Variants in RALYL observed in about 807,000 individuals in gnomAD.
RALYL encodes the protein RNA-binding Raly-like protein.
A neutral mutation model predicts 35.1 loss-of-function variants in RALYL; 29 were observed. That is an observed-to-expected ratio of 0.83 (90% CI 0.61 to 1.13). RALYL has a LOEUF of 1.13. Ranked by LOEUF, RALYL falls within the 50% of genes most tolerant of loss-of-function variation. The pLI, the probability that RALYL is intolerant of heterozygous loss-of-function variation, is 0.00. For synonymous variants in RALYL, 120 were observed against 127.6 expected (o/e 0.94, Z 0.40); for missense variants, 359 against 360.4 (o/e 1.00, Z 0.03).
chr8:84,191,182 T>TTGTGTGTG (rs36011671), intron 1 of RALYL, among the ~76,000 whole-genome samples: 6 of 145,704 alleles, frequency 4.1e-5, no homozygotes, highest in African/African-American at 1.0e-4. Flanking sequence ...GTGTGTGTGA[T>TTGTGTGTG]TGTGTGTGTG....
chr8:84,350,835 T>C (rs1003498983), intron 1 of RALYL, among the ~76,000 whole-genome samples: 2 of 150,168 alleles, frequency 1.3e-5, no homozygotes, highest in African/African-American at 5.0e-5. Context: ...GAGAAATCAA[T>C]AGAAGAGTTG....
intron 8 of RALYL, among the ~76,000 whole-genome samples, chr8:84,908,794 G>T (rs190316492): frequency 1.8e-3 from 269 of 151,702 alleles, no homozygotes; most frequent in Middle Eastern, 0.01. Context: ...CAATCCTGCT[G>T]ATCTGCATTT....
At chr8:84,830,007 G>T (rs1830537249) in intron 4 of RALYL, among the ~76,000 whole-genome samples, 1 of 48,216 alleles carries the variant, frequency 2.1e-5, no homozygotes, top group Non-Finnish European at 4.2e-5. Context: ...CAGCATTTCA[G>T]CACTATACTG....
chr8:84,682,289 G>A (rs1230566191), intron 2 of RALYL, among the ~76,000 whole-genome samples: 3 of 152,090 alleles, frequency 2.0e-5, no homozygotes, highest in African/African-American at 7.2e-5. Context: ...AGGGTTATTG[G>A]TCTAAAATTC....
Position 84,486,819 on chromosome 8 carries a change from G to A in RALYL, c.-23-42480G>A, listed in dbSNP as rs145259192. ...GAGTTTTTAAATGTATTTTGTTGTG[G>A]TTAAAAACACTTAACATAAGGTCTA... On this transcript the variant is annotated intron_variant, in intron 1 of 8. Coordinates refer to ENST00000521268, the MANE Select transcript of RALYL (RefSeq NM_173848.7). Among the ~76,000 whole-genome samples, 808 of 152,022 alleles carry A rather than the reference G, an allele frequency of 5.3e-3. 7 individuals are homozygous for A. The highest frequency in any genetic ancestry group is 0.019 in the African/African-American group (779 of 41,496).
chr8:84,755,566 T>C (rs1429328637), intron 2 of RALYL, among the ~76,000 whole-genome samples: 1 of 152,168 alleles, frequency 6.6e-6, no homozygotes, highest in Non-Finnish European at 1.5e-5. Context: ...CAAATTGTTG[T>C]TTTTACAGAA....
At chr8:84,550,659 A>G (rs1211663622) in intron 2 of RALYL, among the ~76,000 whole-genome samples, 1 of 151,702 alleles carries the variant, frequency 6.6e-6, no homozygotes, top group African/African-American at 2.4e-5. Flanking sequence ...ATTATAACAG[A>G]AATATGTTTG....
intron 2 of RALYL, among the ~76,000 whole-genome samples, chr8:84,658,253 T>A (rs1830301439): frequency 6.6e-6 from 1 of 152,190 alleles, no homozygotes; most frequent in Admixed American, 6.6e-5. Context: ...TTGGCCAGTC[T>A]ATTCAACATA....
chr8:84,532,418 A>G (rs1436269839), intron 2 of RALYL, among the ~76,000 whole-genome samples: 1 of 152,044 alleles, frequency 6.6e-6, no homozygotes. Context: ...AGGTTCAAGT[A>G]TATTAATCAC....
At chr8:84,582,770 A>G (rs905724134) in intron 2 of RALYL, among the ~76,000 whole-genome samples, 3 of 152,196 alleles carry the variant, frequency 2.0e-5, no homozygotes, top group African/African-American at 7.2e-5. Flanking sequence ...AGACCCCTTC[A>G]GGATGATTTG....
intron 1 of RALYL, among the ~76,000 whole-genome samples, chr8:84,261,291 C>CTCG (rs1554593190): frequency 1.6e-4 from 24 of 151,854 alleles, no homozygotes; most frequent in African/African-American, 5.3e-4. Flanking sequence ...CCACAAAAAT[C>CTCG]TCATCTTTAA....
At chr8:84,570,596 G>T (rs1807715224) in intron 2 of RALYL, among the ~76,000 whole-genome samples, 1 of 151,806 alleles carries the variant, frequency 6.6e-6, no homozygotes. Context: ...GATCTCTCTG[G>T]CTAGAACTTC....
intron 1 of RALYL, among the ~76,000 whole-genome samples, chr8:84,461,912 C>A (rs1027583040): frequency 2.0e-5 from 3 of 151,400 alleles, no homozygotes; most frequent in Non-Finnish European, 4.4e-5. Flanking sequence ...GCTATTATTA[C>A]CAAAAGTCCA....
At chr8:84,607,733 A>G (rs1817456086) in intron 2 of RALYL, among the ~76,000 whole-genome samples, 1 of 152,060 alleles carries the variant, frequency 6.6e-6, no homozygotes, top group Non-Finnish European at 1.5e-5. Context: ...TCCACTACCA[A>G]TGAGGAACCT....
At chr8:84,840,207 TAAAAAACCTTG>T (rs1832918889) in intron 4 of RALYL, among the ~76,000 whole-genome samples, 1 of 127,112 alleles carries the variant, frequency 7.9e-6, no homozygotes, top group South Asian at 2.3e-4. Context: ...GGCAAAGAAG[TAAAAAACCTTG>T]AAAAAAAAAT....
intron 1 of RALYL, among the ~76,000 whole-genome samples, chr8:84,424,636 G>A (rs2132498894): frequency 6.6e-6 from 1 of 151,828 alleles, no homozygotes; most frequent in Non-Finnish European, 1.5e-5. Flanking sequence ...CTGTGTTTTA[G>A]AGTTTCCAGT....
chr8:84,619,332 C>G (rs1820683776), intron 2 of RALYL, among the ~76,000 whole-genome samples: 1 of 151,370 alleles, frequency 6.6e-6, no homozygotes, highest in South Asian at 2.1e-4. Flanking sequence ...GAATTGATCC[C>G]TTTACCATTA....
chr8:84,479,942 A>G (rs960933975), intron 1 of RALYL, among the ~76,000 whole-genome samples: 1 of 152,166 alleles, frequency 6.6e-6, no homozygotes, highest in African/African-American at 2.4e-5. Context: ...GACTGAAATT[A>G]AAAATTGCTT....
At chr8:84,667,632 A>G (rs552464243) in intron 2 of RALYL, among the ~76,000 whole-genome samples, 1 of 152,216 alleles carries the variant, frequency 6.6e-6, no homozygotes, top group South Asian at 2.1e-4. Flanking sequence ...TAATCTCCTC[A>G]GTCCATTACA....
Sources: allele counts gnomAD v4.1 joint callset (sites outside exome capture counted in the v4.1 genomes callset), GRCh38; gene constraint gnomAD v4.1.1; transcripts MANE v1.5; gene names NCBI Gene and HGNC (gene_info 2026-07-23, HGNC 2026-07-21).